The following WAC variants were observed in gnomAD, a reference collection of about 807,000 sequenced individuals.
WAC encodes WW domain containing adaptor with coiled-coil, also known as WW domain-containing adapter protein with coiled-coil.
WAC carries 11 observed loss-of-function variants against 79.6 expected under a neutral mutation model. The observed-to-expected ratio is 0.14, with a 90% CI of 0.09 to 0.23. The LOEUF (loss-of-function observed/expected upper bound fraction) is 0.23, where lower values mean the gene tolerates loss of function less well. Ranked by LOEUF, WAC falls within the 10% of genes least tolerant of loss-of-function variation. The pLI, the probability that WAC is intolerant of heterozygous loss-of-function variation, is 1.00. For synonymous variants in WAC, 304 were observed against 276.9 expected (o/e 1.10, Z -0.97); for missense variants, 728 against 773.5 (o/e 0.94, Z 0.70).
At chr10:28,568,837 G>T (rs1399542547) in intron 3 of WAC, among the ~76,000 whole-genome samples, 1 of 152,116 alleles carries the variant, frequency 6.6e-6, no homozygotes, top group Non-Finnish European at 1.5e-5. Context: ...CTCCCAAAGT[G>T]CTGGGATTAC....
At chr10:28,602,527 C>T (rs570385971) in intron 7 of WAC, among the ~76,000 whole-genome samples, 23 of 152,234 alleles carry the variant, frequency 1.5e-4, no homozygotes, top group South Asian at 4.1e-4. Context: ...AGCAGGCTGC[C>T]TTTGTAGCAG....
At chr10:28,607,879 TA>T (rs1039693810) in intron 7 of WAC, among the ~76,000 whole-genome samples, 1 of 152,232 alleles carries the variant, frequency 6.6e-6, no homozygotes, top group African/African-American at 2.4e-5. Context: ...ATCTTTGAGA[TA>T]GCATTGGTGG....
At chr10:28,599,492 C>T (rs930157310) in intron 7 of WAC, among the ~76,000 whole-genome samples, 5 of 152,158 alleles carry the variant, frequency 3.3e-5, no homozygotes, top group African/African-American at 1.2e-4. Context: ...TATAGGCATC[C>T]ATGTTCTATG....
chr10:28,542,096 C>T (rs1196007740), intron 3 of WAC, among the ~76,000 whole-genome samples: 3 of 152,148 alleles, frequency 2.0e-5, no homozygotes, highest in Non-Finnish European at 4.4e-5. Context: ...CCATACTGGC[C>T]CTGCAGGCAG....
At chr10:28,565,171 G>A (rs1358326047) in intron 3 of WAC, among the ~76,000 whole-genome samples, 2 of 152,208 alleles carry the variant, frequency 1.3e-5, no homozygotes, top group African/African-American at 4.8e-5. Context: ...TGTTTTAACC[G>A]CTGGTTTGAA....
intron 3 of WAC, among the ~76,000 whole-genome samples, chr10:28,556,489 T>C (rs976340169): frequency 6.7e-6 from 1 of 148,164 alleles, no homozygotes; most frequent in Non-Finnish European, 1.5e-5. Flanking sequence ...TGCAAATATT[T>C]TCTACTATTT....
chr10:28,556,683 T>C (rs1271188653), intron 3 of WAC, among the ~76,000 whole-genome samples: 1 of 152,108 alleles, frequency 6.6e-6, no homozygotes, highest in Non-Finnish European at 1.5e-5. Context: ...GTGGGAGTTC[T>C]ACAGTCTCAG....
intron 3 of WAC, among the ~76,000 whole-genome samples, chr10:28,572,635 AC>A (rs1839037487): frequency 6.6e-6 from 1 of 151,936 alleles, no homozygotes; most frequent in Non-Finnish European, 1.5e-5. Context: ...ATATGGTGAA[AC>A]CCCGTCTCTA....
At chr10:28,601,196 T>C (rs994367312) in intron 7 of WAC, among the ~76,000 whole-genome samples, 1 of 152,098 alleles carries the variant, frequency 6.6e-6, no homozygotes, top group Admixed American at 6.6e-5. Context: ...TGAATGAATA[T>C]ATGTAGAAGT....
At chr10:28,541,294 G>T (rs1837006029) in intron 3 of WAC, among the ~76,000 whole-genome samples, 1 of 151,832 alleles carries the variant, frequency 6.6e-6, no homozygotes, top group Non-Finnish European at 1.5e-5. Context: ...TTGTTATGAT[G>T]CTGGAAAGAG....
chr10:28,616,704 C>A (rs530276452), intron 12 of WAC, among the ~76,000 whole-genome samples: 1 of 152,168 alleles, frequency 6.6e-6, no homozygotes, highest in Admixed American at 6.5e-5. Flanking sequence ...CCCAGGGTCA[C>A]CCAGTTAACA....
At chr10:28,584,085 A>G (rs900945790) in intron 4 of WAC, among the ~76,000 whole-genome samples, 7 of 152,230 alleles carry the variant, frequency 4.6e-5, no homozygotes, top group African/African-American at 1.4e-4. Flanking sequence ...TTCACCAGGC[A>G]TATGCTAAGC....
intron 4 of WAC, among the ~76,000 whole-genome samples, chr10:28,586,418 A>T (rs1028825819): frequency 6.6e-6 from 1 of 152,252 alleles, no homozygotes; most frequent in Middle Eastern, 3.4e-3. Context: ...GCTCACAACT[A>T]TAATCCCAGC....
chr10:28,546,954 G>GT (rs1837381056), intron 3 of WAC, among the ~76,000 whole-genome samples: 1 of 148,738 alleles, frequency 6.7e-6, no homozygotes, highest in African/African-American at 2.5e-5. Flanking sequence ...CTTTCTTTTT[G>GT]TTTCTAATTT....
chr10:28,612,799 C>G (rs922639441), intron 10 of WAC, among the ~76,000 whole-genome samples: 3 of 152,052 alleles, frequency 2.0e-5, no homozygotes, highest in African/African-American at 7.2e-5. Context: ...GTTTATTATG[C>G]AGTTCCTTAT....
chr10:28,543,026 A>G (rs1322736530), intron 3 of WAC, among the ~76,000 whole-genome samples: 2 of 152,150 alleles, frequency 1.3e-5, no homozygotes, highest in Admixed American at 1.3e-4. Flanking sequence ...ATGGATAGAT[A>G]AAAAAAATTT....
At chr10:28,533,665 C>T (rs1180564299) in intron 1 of WAC, 45 bp downstream of exon 1, 3 of 1,425,542 alleles carry the variant, frequency 2.1e-6, no homozygotes, top group East Asian at 5.4e-5. Context: ...CGGGGGGCGG[C>T]GGCGGGGGGG....
At chr10:28,548,882 GT>G (rs916775901) in intron 3 of WAC, among the ~76,000 whole-genome samples, 1 of 151,224 alleles carries the variant, frequency 6.6e-6, no homozygotes, top group African/African-American at 2.4e-5. Flanking sequence ...AATTTTTGTA[GT>G]TTTTTTTTGG....
chr10:28,542,666 G>C (rs532330999), intron 3 of WAC, among the ~76,000 whole-genome samples: 12 of 152,308 alleles, frequency 7.9e-5, no homozygotes, highest in Non-Finnish European at 1.8e-4. Flanking sequence ...AACATCAAAT[G>C]TGGATGGACC....
Sources: gnomAD v4.1 joint callset for allele counts (sites outside exome capture counted in the v4.1 genomes callset) on GRCh38, gnomAD v4.1.1 for gene constraint, MANE v1.5 for transcripts, NCBI Gene and HGNC (gene_info 2026-07-23, HGNC 2026-07-21) for gene names.